Variants in GRM7 observed in about 807,000 individuals in gnomAD.
GRM7 encodes the protein metabotropic glutamate receptor 7.
Under a neutral mutation model 84.5 loss-of-function variants are expected in GRM7, and 35 were observed. That is an observed-to-expected ratio of 0.41 (90% confidence interval 0.32 to 0.55). The LOEUF is 0.55. GRM7 is among the 20% of genes least tolerant of loss of function. The pLI, the probability that GRM7 is intolerant of heterozygous loss-of-function variation, is 0.19. For synonymous variants in GRM7, 487 were observed against 455.1 expected (o/e 1.07, Z -0.89); for missense variants, 1,003 against 1,194.6 (o/e 0.84, Z 2.36).
At chr3:7,371,591 A>G (rs981607483) in intron 4 of GRM7, among the ~76,000 whole-genome samples, 1 of 152,174 alleles carries the variant, frequency 6.6e-6, no homozygotes, top group Non-Finnish European at 1.5e-5. Flanking sequence ...TTCTGCAAGT[A>G]TAAAGTAATT....
intron 1 of GRM7, among the ~76,000 whole-genome samples, chr3:6,946,177 G>GT (rs1328816957): frequency 6.6e-6 from 1 of 152,126 alleles, no homozygotes; most frequent in Non-Finnish European, 1.5e-5. Flanking sequence ...TCCTTCTAGG[G>GT]TTTTTATGGT....
At chr3:7,455,201 TACAAG>T (rs1392884283) in intron 6 of GRM7, among the ~76,000 whole-genome samples, 1 of 152,014 alleles carries the variant, frequency 6.6e-6, no homozygotes, top group African/African-American at 2.4e-5. Context: ...ATTAAACAAA[TACAAG>T]AGAATAGGCA....
At chr3:7,523,701 G>T (rs1337060961) in intron 7 of GRM7, among the ~76,000 whole-genome samples, 3 of 152,118 alleles carry the variant, frequency 2.0e-5, no homozygotes, top group Non-Finnish European at 4.4e-5. Flanking sequence ...TCTCAACAGA[G>T]ACCGTTTTAG....
chr3:6,972,849 G>A (rs935487509), intron 1 of GRM7, among the ~76,000 whole-genome samples: 7 of 152,174 alleles, frequency 4.6e-5, no homozygotes, highest in Non-Finnish European at 7.3e-5. Context: ...GCTAACAGCT[G>A]AGGCCATTAG....
At chr3:7,076,291 C>A (rs1698074464) in intron 1 of GRM7, among the ~76,000 whole-genome samples, 1 of 152,136 alleles carries the variant, frequency 6.6e-6, no homozygotes, top group Admixed American at 6.5e-5. Flanking sequence ...CTCTGTGTCT[C>A]CACCTGAATC....
At chr3:7,361,801 G>A (rs746073742) in intron 4 of GRM7, among the ~76,000 whole-genome samples, 2 of 152,136 alleles carry the variant, frequency 1.3e-5, no homozygotes, top group Non-Finnish European at 2.9e-5. Flanking sequence ...TCTTCTGGCT[G>A]CTGATGCATT....
At chr3:7,610,402 C>T (rs915463393) in intron 8 of GRM7, among the ~76,000 whole-genome samples, 25 of 152,140 alleles carry the variant, frequency 1.6e-4, no homozygotes, top group African/African-American at 5.8e-4. Context: ...ACTAGTTAAA[C>T]AAAGTAATTA....
In GRM7 at chr3:7,578,782, C is replaced by T. The variant is rs1032302204; in HGVS notation, c.1876C>T (p.Arg626Trp). 7 of 1,614,046 alleles carry T rather than the reference C, an allele frequency of 4.3e-6. No homozygotes were observed. The highest frequency in any genetic ancestry group is 5.1e-6 in the Non-Finnish European group (6 of 1,179,992). The change falls in exon 8 of 10, where the codon CGG becomes TGG. Residue 626 changes from arginine to tryptophan, a missense_variant. Arg to Trp is a moderately radical substitution (Grantham distance 101). This residue lies in a region of GRM7 where 910 missense variants were observed against 1,126.0 expected (regional missense o/e 0.81). Transcript: ENST00000357716. Reference sequence around the variant, plus strand: ...CACGCCCATTGTCCGGGCATCTGGGCGGGAACTCAGCTATGTTCTTTTGAC... The same window carrying T: ...CACGCCCATTGTCCGGGCATCTGGGTGGGAACTCAGCTATGTTCTTTTGAC... The part of the protein sequence containing the change: ...NDTPIVRASG[R>W]ELSYVLLTGI...
At chr3:7,409,991 A>C (rs1022155489) in intron 4 of GRM7, among the ~76,000 whole-genome samples, 7 of 152,132 alleles carry the variant, frequency 4.6e-5, no homozygotes, top group Non-Finnish European at 8.8e-5. Context: ...AGATTCCTCA[A>C]ATTGCCTCAA....
chr3:7,611,925 T>C (rs1216013950), intron 8 of GRM7, among the ~76,000 whole-genome samples: 1 of 152,112 alleles, frequency 6.6e-6, no homozygotes, highest in Non-Finnish European at 1.5e-5. Context: ...TCTGTAAAAA[T>C]TCACAATTCT....
intron 1 of GRM7, among the ~76,000 whole-genome samples, chr3:6,882,558 T>A (rs1039988799): frequency 1.3e-5 from 2 of 151,598 alleles, no homozygotes; most frequent in Non-Finnish European, 2.9e-5. Flanking sequence ...AAAAAAAAAA[T>A]AAAAAGTATA....
At chr3:7,500,594 A>G (rs1699853792) in intron 7 of GRM7, among the ~76,000 whole-genome samples, 1 of 152,328 alleles carries the variant, frequency 6.6e-6, no homozygotes, top group African/African-American at 2.4e-5. Context: ...TACTGATTAA[A>G]TTTGTTTATC....
chr3:7,317,936 T>C (rs916106638), intron 4 of GRM7, among the ~76,000 whole-genome samples: 20 of 152,018 alleles, frequency 1.3e-4, no homozygotes, highest in African/African-American at 4.6e-4. Flanking sequence ...ATTTTATTCA[T>C]GTAGAGGATA....
At chr3:7,075,393 A>C (rs1232549247) in intron 1 of GRM7, among the ~76,000 whole-genome samples, 1 of 152,022 alleles carries the variant, frequency 6.6e-6, no homozygotes, top group African/African-American at 2.4e-5. Context: ...TTCCTTCTCT[A>C]TAACTTCTGT....
At chr3:7,573,521 A>G (rs776554986) in intron 7 of GRM7, among the ~76,000 whole-genome samples, 20 of 152,144 alleles carry the variant, frequency 1.3e-4, no homozygotes, top group Admixed American at 3.3e-4. Context: ...TAACAATTCT[A>G]TCTCTTTGGT....
At chr3:7,460,692 T>C (rs1036929226) in intron 6 of GRM7, among the ~76,000 whole-genome samples, 2 of 152,206 alleles carry the variant, frequency 1.3e-5, no homozygotes, top group Non-Finnish European at 2.9e-5. Context: ...ACTGAATGTT[T>C]TGTGATTCGT....
Position 6,861,141 on chromosome 3 carries a change from C to G in GRM7, c.-248C>G, listed in dbSNP as rs575378287. 15 of 420,912 alleles carry G rather than the reference C, an allele frequency of 3.6e-5. No individual in the cohort carries two copies. Among genetic ancestry groups the G allele is most frequent in the African/African-American group, 2.9e-4 (14 of 48,136 alleles). The allele number at this position is 420,912 out of a possible 1,614,324, so 26.1% of individuals were successfully genotyped here. ...GTGCTGGGCTGTTGGAGAGAGCGAG[C>G]AGCAAGCCGGTGAGCGCGAGCGCGG... On this transcript the variant is annotated 5_prime_UTR_variant, in exon 1 of 10. Transcript: ENST00000357716. The surrounding 1 kb of genome is among the most constrained non-coding windows in gnomAD (Gnocchi z 6.4).
intron 8 of GRM7, among the ~76,000 whole-genome samples, chr3:7,643,917 A>G (rs920863193): frequency 6.6e-6 from 1 of 151,890 alleles, no homozygotes; most frequent in Non-Finnish European, 1.5e-5. Flanking sequence ...ATGGTTATCT[A>G]AGGGGCTGGG....
chr3:7,725,678 G>A (rs546381688), intron 9 of GRM7, among the ~76,000 whole-genome samples: 3 of 152,270 alleles, frequency 2.0e-5, no homozygotes, highest in East Asian at 3.9e-4. Flanking sequence ...TGTTCCCACC[G>A]GGGTTTCTTC....
Sources: allele counts gnomAD v4.1 joint callset (sites outside exome capture counted in the v4.1 genomes callset), GRCh38; gene constraint gnomAD v4.1.1; regional missense constraint gnomAD v4.1.1; non-coding constraint Gnocchi (gnomAD v3.1); transcripts MANE v1.5; gene names NCBI Gene and HGNC (gene_info 2026-07-23, HGNC 2026-07-21).